ROS1: variants seen among roughly 807,000 people sequenced by gnomAD.
The protein encoded by ROS1 is proto-oncogene tyrosine-protein kinase ROS.
A neutral mutation model predicts 273.5 loss-of-function variants in ROS1; 263 were observed. That is an observed-to-expected ratio of 0.96 (90% CI 0.87 to 1.06). The LOEUF (loss-of-function observed/expected upper bound fraction) is 1.06, where lower values mean the gene tolerates loss of function less well. Ranked by LOEUF, ROS1 falls within the 50% of genes least tolerant of loss-of-function variation. The pLI is 0.00. For synonymous variants in ROS1, 1,008 were observed against 954.1 expected, an observed-to-expected ratio of 1.06 and a Z score of -1.04; for missense variants, 2,833 against 2,751.1, an observed-to-expected ratio of 1.03 and a Z score of -0.67.
intron 32 of ROS1, among the ~76,000 whole-genome samples, chr6:117,333,674 C>T (rs554985366): frequency 1.3e-5 from 2 of 152,238 alleles, no homozygotes; most frequent in Admixed American, 1.3e-4. Flanking sequence ...GGATGCAAGG[C>T]TGATTCAACA....
chr6:117,359,937 C>T lies in ROS1; in HGVS notation c.3505G>A (p.Val1169Ile), dbSNP rs747975385. ...CTTTCTGCTGAAAACGTCCACACAA[C>T]TTGATTTTGATCCATATCTAAAAAA... ...IVFLDMDQNQ[V>I]VWTFSAERVI... Residue 1169 changes from valine (V) to isoleucine (I), a missense_variant, in exon 24 of 44, where the codon GTT becomes ATT. Coordinates refer to ENST00000368507, the MANE Select transcript of ROS1 (RefSeq NM_001378902.1). 25 of 1,613,754 alleles carry T rather than the reference C, an allele frequency of 1.5e-5. No homozygotes were observed. The South Asian group carries it at 2.4e-4, about 16-fold the overall frequency.
At chr6:117,404,642 A>G (rs1352688389) in intron 5 of ROS1, among the ~76,000 whole-genome samples, 1 of 152,198 alleles carries the variant, frequency 6.6e-6, no homozygotes, top group Non-Finnish European at 1.5e-5. Context: ...ATTTATTGTT[A>G]TCTTTGAACA....
intron 26 of ROS1, among the ~76,000 whole-genome samples, chr6:117,356,154 A>C (rs1161423650): frequency 1.3e-5 from 2 of 152,170 alleles, no homozygotes; most frequent in African/African-American, 4.8e-5. Context: ...AATCTATGGG[A>C]TCATCAAAGT....
At chr6:117,415,267 T>TG (rs1422192118) in intron 3 of ROS1, among the ~76,000 whole-genome samples, 3 of 152,268 alleles carry the variant, frequency 2.0e-5, no homozygotes, top group South Asian at 2.1e-4. Context: ...AATGTGAGAG[T>TG]GGGCATAGGT....
At chr6:117,366,397 T>C in intron 18 of ROS1, 107 bp from the exon 19 acceptor site, 1 of 717,294 alleles carries the variant, frequency 1.4e-6, no homozygotes, top group Non-Finnish European at 2.4e-6. Context: ...TACGCATTTG[T>C]GTACATTAAA....
At chr6:117,350,780 C>T (rs1440994073) in intron 27 of ROS1, among the ~76,000 whole-genome samples, 1 of 149,536 alleles carries the variant, frequency 6.7e-6, no homozygotes, top group Non-Finnish European at 1.5e-5. Context: ...ATCCAGTCTA[C>T]TATTAAGCCC....
rs1464115581 is a variant in ROS1, at chr6:117,287,534, G to A, written c.*958C>T. ...GAAGATTACAGAATGCAAAACTTCA[G>A]GACTTAAAAGATCTTCACAGTCTTA... On this transcript the variant is annotated 3_prime_UTR_variant, in exon 44 of 44. Coordinates refer to ENST00000368507, the MANE Select transcript of ROS1 (RefSeq NM_001378902.1). 6.6e-6 allele frequency among the ~76,000 whole-genome samples: 1 copy of A among 152,058 alleles called. No homozygotes were observed. The highest frequency in any genetic ancestry group is 1.5e-5 in the Non-Finnish European group (1 of 68,014).
chr6:117,321,353 CT>C lies in ROS1; in HGVS notation c.5664del (p.Val1890Ter), dbSNP rs761522244. The C allele has an allele frequency of 1.2e-6, 2 of 1,613,312 alleles. No homozygotes were observed. Among genetic ancestry groups the C allele is most frequent in the South Asian group, 2.2e-5 (2 of 90,970 alleles). ...RRLKNQKSAKEGVTVLINEDK... is the reference protein window; with the variant it reads ...RRLKNQKSAKXGVTVLINEDK... ...TCTTCGTTTATAAGCACTGTCACCC[CT>C]TCCTTGGCACTTTTTTGATTCTTTA... On this transcript the variant is annotated frameshift_variant, in exon 36 of 44. Transcript: ENST00000368507. LOFTEE classifies it high-confidence loss of function.
intron 1 of ROS1, among the ~76,000 whole-genome samples, chr6:117,419,809 C>T (rs368726717): frequency 4.6e-5 from 7 of 152,096 alleles, no homozygotes; most frequent in South Asian, 2.1e-4. Context: ...CACACTGTAA[C>T]GGTAGTGAGT....
In ROS1 at chr6:117,342,549, A is replaced by C; in HGVS notation, c.4507-5T>G. The stretch of plus-strand genomic sequence containing the variant: ...AGCTATACTGTCCTGAAATTCCTGT[A>C]ATTGATTTTTTAAAAATCAACATCT... On this transcript the variant is annotated splice_polypyrimidine_tract_variant and splice_region_variant and intron_variant, in intron 28 of 43. Transcript: ENST00000368507. 6.8e-7 allele frequency: 1 copy of C among 1,464,042 alleles called. No homozygotes were observed. Among genetic ancestry groups the C allele is most frequent in the Non-Finnish European group, 9.2e-7 (1 of 1,092,166 alleles). 90.7% of individuals were successfully genotyped at this position (1,464,042 alleles called of 1,614,324 possible). A position where few individuals can be genotyped will look rare whatever the true frequency, so the allele number is the denominator to read the frequency against.
At chr6:117,411,732 A>G (rs1247134729) in intron 4 of ROS1, among the ~76,000 whole-genome samples, 1 of 152,190 alleles carries the variant, frequency 6.6e-6, no homozygotes, top group African/African-American at 2.4e-5. Context: ...TTATTCATTC[A>G]TTCATTCAAG....
intron 18 of ROS1, among the ~76,000 whole-genome samples, chr6:117,374,739 T>A (rs1781171478): frequency 6.6e-6 from 1 of 152,210 alleles, no homozygotes; most frequent in Non-Finnish European, 1.5e-5. Flanking sequence ...AAAGGACTAA[T>A]ATCCAGAAAC....
chr6:117,347,935 A>T (rs1398048036), intron 27 of ROS1, among the ~76,000 whole-genome samples: 2 of 152,066 alleles, frequency 1.3e-5, no homozygotes, highest in African/African-American at 4.8e-5. Flanking sequence ...CTGTGATATA[A>T]AACTATTTTA....
At chr6:117,332,816 C>T (rs970717686) in intron 32 of ROS1, among the ~76,000 whole-genome samples, 1 of 152,032 alleles carries the variant, frequency 6.6e-6, no homozygotes, top group African/African-American at 2.4e-5. Context: ...AGACAATGTA[C>T]CAGAATCTCT....
rs559266039 is a variant in ROS1, at chr6:117,322,902, C to CAAT, written c.5623+1427_5623+1429dup. 7.5e-3 allele frequency among the ~76,000 whole-genome samples: 1,144 copies of CAAT among 152,234 alleles called. 10 individuals are homozygous for CAAT. The highest frequency in any genetic ancestry group is 0.012 in the Non-Finnish European group (810 of 68,022). On this transcript the variant is annotated intron_variant, in intron 35 of 43. Coordinates refer to ENST00000368507, the MANE Select transcript of ROS1 (RefSeq NM_001378902.1). ...ATATCCATAGGATGTCTTGGAAGCA[C>CAAT]AATAGGTTGTCTGAAATTATCTCAT...
intron 27 of ROS1, among the ~76,000 whole-genome samples, chr6:117,348,555 T>C (rs1778558116): frequency 6.6e-6 from 1 of 151,944 alleles, no homozygotes; most frequent in African/African-American, 2.4e-5. Context: ...GATTTTTCTC[T>C]ATTGATTTCC....
At chr6:117,416,641 A>C (rs73768058) in intron 2 of ROS1, among the ~76,000 whole-genome samples, 3,951 of 152,232 alleles carry the variant, frequency 0.026, 173 homozygotes, top group African/African-American at 0.09. Context: ...GTCAAAGGTA[A>C]AGCCCAGGAC....
intron 18 of ROS1, among the ~76,000 whole-genome samples, chr6:117,376,877 A>G (rs934559840): frequency 1.3e-5 from 2 of 152,208 alleles, no homozygotes; most frequent in Admixed American, 6.5e-5. Flanking sequence ...GATTTATTCT[A>G]GAAATTAGTG....
intron 7 of ROS1, 107 bp downstream of exon 7, chr6:117,403,032 A>G: frequency 3.2e-6 from 4 of 1,269,276 alleles, no homozygotes; most frequent in Non-Finnish European, 4.5e-6. Context: ...TGTTGAATGG[A>G]TCGATTAATA....
Sources: allele counts gnomAD v4.1 joint callset (sites outside exome capture counted in the v4.1 genomes callset), GRCh38; gene constraint gnomAD v4.1.1; transcripts MANE v1.5; gene names NCBI Gene and HGNC (gene_info 2026-07-23, HGNC 2026-07-21).